PRKD1: variants seen among roughly 807,000 people sequenced by gnomAD.
PRKD1 encodes serine/threonine-protein kinase D1.
In PRKD1, 63 loss-of-function variants were observed where a neutral mutation model predicts 95.9. That is an observed-to-expected ratio of 0.66 (90% confidence interval 0.54 to 0.81). PRKD1 has a LOEUF of 0.81. PRKD1 is among the 30% of genes least tolerant of loss of function. The pLI is 0.00. For missense variants in PRKD1, 1,048 were observed against 1,165.3 expected, an observed-to-expected ratio of 0.90 and a Z score of 1.47; for synonymous variants, 425 against 423.1, an observed-to-expected ratio of 1.00 and a Z score of -0.05.
intron 2 of PRKD1, among the ~76,000 whole-genome samples, chr14:29,706,193 G>C (rs1489055787): frequency 6.6e-6 from 1 of 152,056 alleles, no homozygotes; most frequent in Non-Finnish European, 1.5e-5. Flanking sequence ...TCCTAATGAC[G>C]AATGATGCTG....
chr14:29,736,647 C>T (rs1027999644), intron 1 of PRKD1, among the ~76,000 whole-genome samples: 2 of 152,154 alleles, frequency 1.3e-5, no homozygotes, highest in African/African-American at 2.4e-5. Context: ...AAGCTCTCTC[C>T]AAGTTTGAAT....
At chr14:29,840,787 G>T (rs1167160722) in intron 1 of PRKD1, among the ~76,000 whole-genome samples, 1 of 152,182 alleles carries the variant, frequency 6.6e-6, no homozygotes, top group East Asian at 1.9e-4. Context: ...TATAAAATCA[G>T]ATCTCTTGAG....
intron 2 of PRKD1, among the ~76,000 whole-genome samples, chr14:29,704,283 T>C (rs1006538416): frequency 6.6e-6 from 1 of 151,918 alleles, no homozygotes; most frequent in South Asian, 2.1e-4. Context: ...ATGAGAAAAA[T>C]ATAAAATAAG....
chr14:29,654,971 A>G (rs1000052836), intron 4 of PRKD1, among the ~76,000 whole-genome samples: 1 of 152,214 alleles, frequency 6.6e-6, no homozygotes, highest in African/African-American at 2.4e-5. Flanking sequence ...CCGAAAACAC[A>G]TCTTATTTCC....
At chr14:29,701,136 A>G (rs1884823617) in intron 2 of PRKD1, among the ~76,000 whole-genome samples, 1 of 152,276 alleles carries the variant, frequency 6.6e-6, no homozygotes, top group South Asian at 2.1e-4. Context: ...TCAGGTGGTT[A>G]TATCTGATCT....
intron 1 of PRKD1, among the ~76,000 whole-genome samples, chr14:29,726,569 G>A (rs1016000537): frequency 7.9e-5 from 12 of 151,968 alleles, no homozygotes; most frequent in African/African-American, 1.4e-4. Flanking sequence ...AGCTACTGTC[G>A]GGGAGAAATG....
intron 1 of PRKD1, among the ~76,000 whole-genome samples, chr14:29,766,528 A>G (rs1200560342): frequency 2.0e-5 from 3 of 152,208 alleles, no homozygotes; most frequent in African/African-American, 7.2e-5. Context: ...CATCAATGCT[A>G]AACAGTGCTG....
chr14:29,607,055 A>G (rs1253405647), intron 13 of PRKD1, among the ~76,000 whole-genome samples: 1 of 152,234 alleles, frequency 6.6e-6, no homozygotes, highest in Admixed American at 6.5e-5. Flanking sequence ...AGGTCTCATT[A>G]TTTAATGGAA....
At chr14:29,682,264 C>CTTAG (rs1398191026) in intron 2 of PRKD1, among the ~76,000 whole-genome samples, 1 of 152,166 alleles carries the variant, frequency 6.6e-6, no homozygotes, top group Non-Finnish European at 1.5e-5. Flanking sequence ...CACTTATTTA[C>CTTAG]TTAGCATCAG....
chr14:29,727,517 T>C (rs1732189182), intron 1 of PRKD1, among the ~76,000 whole-genome samples: 2 of 151,822 alleles, frequency 1.3e-5, no homozygotes, highest in South Asian at 2.1e-4. Flanking sequence ...CTAGGGTTTT[T>C]ATGGTTTTAG....
chr14:29,804,932 A>C (rs1322642654), intron 1 of PRKD1, among the ~76,000 whole-genome samples: 1 of 152,202 alleles, frequency 6.6e-6, no homozygotes, highest in Non-Finnish European at 1.5e-5. Flanking sequence ...CATAGGGCTT[A>C]AAGTGCTAAA....
At chr14:29,785,978 G>T (rs957343897) in intron 1 of PRKD1, among the ~76,000 whole-genome samples, 4 of 150,344 alleles carry the variant, frequency 2.7e-5, no homozygotes, top group Non-Finnish European at 4.4e-5. Context: ...AGTCACATGT[G>T]TTTGTCATAT....
rs1438455335 is a variant in PRKD1 at position 29,651,178 on chromosome 14, G to A, written c.697-12274C>T. On this transcript the variant is annotated intron_variant, in intron 4 of 17. Coordinates refer to ENST00000331968, the MANE Select transcript of PRKD1 (RefSeq NM_002742.3). The stretch of plus-strand genomic sequence containing the variant: ...AATTACAAAAGAGAAAGAGACAAAA[G>A]ATAAGAGACTTTTCTCCTCTATCTA... Among the ~76,000 whole-genome samples the A allele has an allele frequency of 2.6e-5, 4 of 152,134 alleles. No homozygotes were observed. The South Asian group carries it at 6.2e-4, about 24-fold the overall frequency.
At chr14:29,826,706 T>TATAC (rs1555348500) in intron 1 of PRKD1, among the ~76,000 whole-genome samples, 6,086 of 71,570 alleles carry the variant, frequency 0.085, 1,491 homozygotes, top group East Asian at 0.16. Flanking sequence ...TATACATATA[T>TATAC]ACACATATAT....
intron 15 of PRKD1, among the ~76,000 whole-genome samples, chr14:29,598,101 C>T (rs1322170610): frequency 6.6e-6 from 1 of 151,350 alleles, no homozygotes; most frequent in East Asian, 1.9e-4. Context: ...ATAGTGAGAC[C>T]CCCATCTCTA....
intron 1 of PRKD1, among the ~76,000 whole-genome samples, chr14:29,812,320 G>A (rs1022603954): frequency 9.2e-5 from 14 of 152,012 alleles, no homozygotes; most frequent in South Asian, 2.1e-4. Flanking sequence ...AGATATAACC[G>A]GAACACTAAA....
chr14:29,621,740 T>C (rs943523976), intron 13 of PRKD1, among the ~76,000 whole-genome samples: 1 of 152,206 alleles, frequency 6.6e-6, no homozygotes, highest in African/African-American at 2.4e-5. Context: ...GTGCTGTATC[T>C]ACTGAACCTA....
chr14:29,675,679 C>T (rs1451770556), intron 2 of PRKD1, among the ~76,000 whole-genome samples: 1 of 152,174 alleles, frequency 6.6e-6, no homozygotes, highest in East Asian at 1.9e-4. Context: ...CACATGCACA[C>T]GTACGTTTAT....
chr14:29,917,842 T>C lies in PRKD1; in HGVS notation c.264+9407A>G, dbSNP rs567170589. 2.0e-5 allele frequency among the ~76,000 whole-genome samples: 3 copies of C among 152,268 alleles called. No homozygotes were observed. The South Asian group carries it at 6.2e-4, about 32-fold the overall frequency. Reference sequence around the variant, plus strand: ...AAACATAACGCAATAGGATCCTTACTTGGACTGATGAAAAAAATGTGCTAT... The same window carrying C: ...AAACATAACGCAATAGGATCCTTACCTGGACTGATGAAAAAAATGTGCTAT... On this transcript the variant is annotated intron_variant, in intron 1 of 17. Transcript: ENST00000331968.
Sources: allele counts gnomAD v4.1 joint callset (sites outside exome capture counted in the v4.1 genomes callset), GRCh38; gene constraint gnomAD v4.1.1; transcripts MANE v1.5; gene names NCBI Gene and HGNC (gene_info 2026-07-23, HGNC 2026-07-21).